The following CAMTA1 variants were observed in gnomAD, a reference collection of about 807,000 sequenced individuals.
The protein encoded by CAMTA1 is calmodulin-binding transcription activator 1.
In CAMTA1, 27 loss-of-function variants were observed where a neutral mutation model predicts 170.9. That is an observed-to-expected ratio of 0.16 (90% confidence interval 0.12 to 0.22). The LOEUF is 0.22. CAMTA1 is among the 10% of genes least tolerant of loss of function. The pLI is 1.00. For missense variants in CAMTA1, 1,619 were observed against 2,217.2 expected, an observed-to-expected ratio of 0.73 and a Z score of 5.42; for synonymous variants, 833 against 891.5, an observed-to-expected ratio of 0.93 and a Z score of 1.17.
intron 4 of CAMTA1, among the ~76,000 whole-genome samples, chr1:7,245,662 A>C (rs1665644680): frequency 6.6e-6 from 1 of 152,064 alleles, no homozygotes; most frequent in Admixed American, 6.6e-5. Context: ...AGTGAGAATA[A>C]AGCTCCCTGT....
intron 11 of CAMTA1, among the ~76,000 whole-genome samples, chr1:7,721,088 A>C (rs1464985169): frequency 1.3e-5 from 2 of 152,214 alleles, no homozygotes; most frequent in Non-Finnish European, 2.9e-5. Flanking sequence ...CACTTTCTGA[A>C]TGGTGCTAGG....
intron 3 of CAMTA1, among the ~76,000 whole-genome samples, chr1:6,959,359 T>C (rs1417923559): frequency 1.3e-5 from 2 of 152,066 alleles, no homozygotes; most frequent in Admixed American, 1.3e-4. Flanking sequence ...GTGAGGGAGT[T>C]TGCAGGAAGC....
chr1:7,022,285 A>C (rs951658940), intron 3 of CAMTA1, among the ~76,000 whole-genome samples: 7 of 151,976 alleles, frequency 4.6e-5, no homozygotes, highest in Non-Finnish European at 1.0e-4. Context: ...ATGCTGGGGG[A>C]AGGACTCTTT....
chr1:6,795,332 T>C (rs1456156605), intron 1 of CAMTA1, among the ~76,000 whole-genome samples: 1 of 151,612 alleles, frequency 6.6e-6, no homozygotes, highest in Admixed American at 6.6e-5. Flanking sequence ...GGACTACAGG[T>C]GTGTGTCACC....
chr1:6,882,458 G>C (rs534275865), intron 3 of CAMTA1, among the ~76,000 whole-genome samples: 2 of 152,210 alleles, frequency 1.3e-5, no homozygotes, highest in Non-Finnish European at 2.9e-5. Flanking sequence ...ATGTTTGAAA[G>C]GAAGAGCTGG....
chr1:6,974,662 C>T (rs1458162797), intron 3 of CAMTA1, among the ~76,000 whole-genome samples: 4 of 152,138 alleles, frequency 2.6e-5, no homozygotes, highest in East Asian at 1.9e-4. Flanking sequence ...TCTTACCTGC[C>T]GCACGGACGT....
At chr1:7,192,663 G>A (rs1382019188) in intron 4 of CAMTA1, among the ~76,000 whole-genome samples, 2 of 152,310 alleles carry the variant, frequency 1.3e-5, no homozygotes, top group East Asian at 1.9e-4. Context: ...CACGCTGCCC[G>A]CCAGTGTGTG....
At chr1:6,845,184 A>G (rs547770496) in intron 3 of CAMTA1, among the ~76,000 whole-genome samples, 3 of 152,264 alleles carry the variant, frequency 2.0e-5, no homozygotes, top group South Asian at 4.1e-4. Context: ...ATGAAAAGCT[A>G]TTACCTCTGC....
chr1:7,237,249 A>G (rs1317450610), intron 4 of CAMTA1, among the ~76,000 whole-genome samples: 1 of 152,214 alleles, frequency 6.6e-6, no homozygotes, highest in Non-Finnish European at 1.5e-5. Flanking sequence ...AACAGATCTT[A>G]TGAATTCAGA....
chr1:7,097,754 A>C (rs1324089021), intron 4 of CAMTA1, among the ~76,000 whole-genome samples: 1 of 152,244 alleles, frequency 6.6e-6, no homozygotes, highest in Non-Finnish European at 1.5e-5. Flanking sequence ...AGCCAGACGC[A>C]AAGAGCCACA....
chr1:7,101,726 C>T lies in CAMTA1; in HGVS notation c.302+10355C>T, dbSNP rs143678412. Among the ~76,000 whole-genome samples, 596 of 152,274 alleles carry T rather than the reference C, an allele frequency of 3.9e-3. 4 individuals are homozygous for T. The highest frequency in any genetic ancestry group is 4.5e-3 in the Non-Finnish European group (306 of 68,034). ...TGGCACATAGAACCATACACGTGCA[C>T]ATAGATACACAACTACACATGTACA... On this transcript the variant is annotated intron_variant, in intron 4 of 22. Coordinates refer to ENST00000303635, the MANE Select transcript of CAMTA1 (RefSeq NM_015215.4).
intron 6 of CAMTA1, among the ~76,000 whole-genome samples, chr1:7,528,868 A>T (rs1280743460): frequency 1.3e-5 from 2 of 152,146 alleles, no homozygotes; most frequent in Non-Finnish European, 2.9e-5. Flanking sequence ...ATTATGCTGT[A>T]CTCCATCCTG....
chr1:7,245,223 C>T (rs1193711768), intron 4 of CAMTA1, among the ~76,000 whole-genome samples: 8 of 150,870 alleles, frequency 5.3e-5, no homozygotes, highest in Non-Finnish European at 2.9e-5. Flanking sequence ...ATATCACACA[C>T]ACACACATAC....
At chr1:6,808,006 C>G (rs902619697) in intron 1 of CAMTA1, among the ~76,000 whole-genome samples, 1 of 151,528 alleles carries the variant, frequency 6.6e-6, no homozygotes. Flanking sequence ...GGAATTTGAC[C>G]TGAAATCATT....
chr1:7,011,534 C>CG (rs959928719), intron 3 of CAMTA1, among the ~76,000 whole-genome samples: 13 of 152,096 alleles, frequency 8.5e-5, no homozygotes, highest in African/African-American at 1.9e-4. Flanking sequence ...ATGAACATGG[C>CG]GGGGGGGCCC....
At chr1:7,444,953 C>T (rs557358723) in intron 5 of CAMTA1, among the ~76,000 whole-genome samples, 188 of 152,124 alleles carry the variant, frequency 1.2e-3, no homozygotes, top group African/African-American at 4.3e-3. Context: ...AAAATTTGCC[C>T]GCCTAGCTGG....
At chr1:7,242,699 C>A (rs113218875) in intron 4 of CAMTA1, among the ~76,000 whole-genome samples, 2 of 151,874 alleles carry the variant, frequency 1.3e-5, no homozygotes, top group Admixed American at 1.3e-4. Flanking sequence ...GAGGGTGAGG[C>A]AGGCAGATCA....
chr1:7,367,840 A>G (rs569258438), intron 5 of CAMTA1, among the ~76,000 whole-genome samples: 32 of 134,132 alleles, frequency 2.4e-4, no homozygotes, highest in Middle Eastern at 5.4e-3. Flanking sequence ...TTCACTGGGC[A>G]CAGGCCCTGG....
rs561133321 is a variant in CAMTA1, at chr1:7,387,322, C to T, written c.439-80508C>T. ...GCTTCTCTCTCCCACCGACATGGCA[C>T]CACCACACAGCCACCCCAACCAGGA... is the stretch of plus-strand genomic sequence containing the variant. On this transcript the variant is annotated intron_variant, in intron 5 of 22. Coordinates refer to ENST00000303635, the MANE Select transcript of CAMTA1 (RefSeq NM_015215.4). Among the ~76,000 whole-genome samples, 38 of 152,304 alleles carry T rather than the reference C, an allele frequency of 2.5e-4. No homozygotes were observed. In the East Asian group the frequency reaches 7.1e-3, roughly 29 times the overall value.
Sources: allele counts gnomAD v4.1 joint callset (sites outside exome capture counted in the v4.1 genomes callset), GRCh38; gene constraint gnomAD v4.1.1; transcripts MANE v1.5; gene names NCBI Gene and HGNC (gene_info 2026-07-23, HGNC 2026-07-21).